The following RAB3IL1 variants were observed in gnomAD, a reference collection of about 807,000 sequenced individuals.
The protein encoded by RAB3IL1 is guanine nucleotide exchange factor for Rab-3A.
RAB3IL1 carries 37 observed loss-of-function variants against 49.2 expected under a neutral mutation model. The ratio of observed to expected loss-of-function variants is 0.75; its 90% CI spans 0.58 to 0.99. RAB3IL1 has a LOEUF of 0.99. Among genes scored for constraint, RAB3IL1 ranks in the 50% least tolerant of loss-of-function variants. RAB3IL1 has a pLI of 0.00. For missense variants in RAB3IL1, 484 were observed against 513.0 expected (o/e 0.94, Z 0.55); for synonymous variants, 193 against 213.9 (o/e 0.90, Z 0.85).
the RAB3IL1 span, among the ~76,000 whole-genome samples, chr11:61,940,326 A>G: frequency 6.6e-6 from 1 of 151,950 alleles, no homozygotes; most frequent in Non-Finnish European, 1.5e-5. Flanking sequence ...CTGTAAACCC[A>G]GCTACCCGGG....
At chr11:61,929,962 G>A in the RAB3IL1 span, among the ~76,000 whole-genome samples, 4 of 127,486 alleles carry the variant, frequency 3.1e-5, no homozygotes, top group African/African-American at 8.9e-5. Context: ...GTGCAGTCTC[G>A]GCTCGCTGCA....
the RAB3IL1 span, among the ~76,000 whole-genome samples, chr11:61,940,612 C>A: frequency 6.6e-6 from 1 of 151,908 alleles, no homozygotes; most frequent in Non-Finnish European, 1.5e-5. Context: ...GATGGTGAGA[C>A]CCTATCTCTA....
intron 8 of RAB3IL1, among the ~76,000 whole-genome samples, chr11:61,900,800 C>T (rs577930846): frequency 6.6e-6 from 1 of 152,198 alleles, no homozygotes. Flanking sequence ...CAGCAGGACA[C>T]CCAGGCCAGG....
chr11:61,941,821 T>C, the RAB3IL1 span, among the ~76,000 whole-genome samples: 2 of 152,112 alleles, frequency 1.3e-5, no homozygotes, highest in Admixed American at 1.3e-4. Context: ...AACCAAATAC[T>C]AGCAAATCCA....
the RAB3IL1 span, among the ~76,000 whole-genome samples, chr11:61,926,371 G>A: frequency 2.0e-5 from 3 of 152,204 alleles, no homozygotes; most frequent in African/African-American, 4.8e-5. Context: ...GGGATTATGT[G>A]TAGCGGGGGA....
At chr11:61,933,538 T>G in the RAB3IL1 span, among the ~76,000 whole-genome samples, 3 of 152,180 alleles carry the variant, frequency 2.0e-5, no homozygotes, top group Non-Finnish European at 4.4e-5. Flanking sequence ...ACGTAGTTTG[T>G]GATAATTTGT....
At chr11:61,938,083 AT>A in the RAB3IL1 span, 1 of 152,166 alleles carries the variant, frequency 6.6e-6, no homozygotes, top group Non-Finnish European at 1.5e-5. Context: ...AATGACCCAA[AT>A]TGTTGAAAGT....
chr11:61,904,720 T>G, intron 6 of RAB3IL1, 34 bp downstream of exon 6: 1 of 1,571,528 alleles, frequency 6.4e-7, no homozygotes. Context: ...GAGGGGTGTG[T>G]CCCCCAGCTG....
At chr11:61,905,240 A>G (rs903810043) in intron 5 of RAB3IL1, among the ~76,000 whole-genome samples, 2 of 152,300 alleles carry the variant, frequency 1.3e-5, no homozygotes, top group Admixed American at 1.3e-4. Context: ...CAGGTACACA[A>G]GCACACACAA....
chr11:61,932,052 C>T, the RAB3IL1 span, among the ~76,000 whole-genome samples: 1 of 151,848 alleles, frequency 6.6e-6, no homozygotes, highest in Non-Finnish European at 1.5e-5. Flanking sequence ...GAGTTTGAGA[C>T]CATCCTGGCT....
Position 61,906,359 on chromosome 11 carries a change from T to A in RAB3IL1, c.657+107A>T. The A allele has an allele frequency of 9.6e-7, 1 of 1,036,522 alleles. No homozygotes were observed. The allele number at this position is 1,036,522 out of a possible 1,614,324, so 64.2% of individuals were successfully genotyped here. A position where few individuals can be genotyped will look rare whatever the true frequency, so the allele number is the denominator to read the frequency against. On this transcript the variant is annotated intron_variant, in intron 5 of 9. Transcript: ENST00000394836. The surrounding 1 kb of genome is among the most constrained non-coding windows in gnomAD (Gnocchi z 4.6). ...CATCCCAGAGAGGCGCAGGACAGGC[T>A]CCAGGTCACACAGCATGGGGCAGGC...
upstream of RAB3IL1, among the ~76,000 whole-genome samples, chr11:61,925,187 A>G (rs914884077): frequency 3.3e-5 from 5 of 152,236 alleles, no homozygotes; most frequent in African/African-American, 9.6e-5. Flanking sequence ...GATTTGGCCA[A>G]TGGCTAACAA....
intron 7 of RAB3IL1, among the ~76,000 whole-genome samples, chr11:61,902,858 C>A (rs1010134680): frequency 1.3e-5 from 2 of 152,156 alleles, no homozygotes; most frequent in Non-Finnish European, 2.9e-5. Context: ...ATGCCTCTCC[C>A]TCTACTTCTG....
rs1160745923 is a variant in RAB3IL1, at chr11:61,917,533, C to A, written c.-166G>T. 4.5e-6 allele frequency: 5 copies of A among 1,113,126 alleles called. No homozygotes were observed. The highest frequency in any genetic ancestry group is 5.5e-6 in the Non-Finnish European group (5 of 913,566). 69.0% of individuals were successfully genotyped at this position (1,113,126 alleles called of 1,614,324 possible). ...CTCAGACGCCTGGGCTCGCGGCCCCCAGCCCAGCCCCGACCCTGCCCTGGG... is the reference window on the plus strand; with the variant it reads ...CTCAGACGCCTGGGCTCGCGGCCCCAAGCCCAGCCCCGACCCTGCCCTGGG... On this transcript the variant is annotated 5_prime_UTR_variant, in exon 1 of 10. Coordinates refer to ENST00000394836, the MANE Select transcript of RAB3IL1 (RefSeq NM_013401.4).
At chr11:61,909,013 G>A (rs535363794) in intron 1 of RAB3IL1, among the ~76,000 whole-genome samples, 43 of 152,284 alleles carry the variant, frequency 2.8e-4, no homozygotes, top group African/African-American at 1.0e-3. Flanking sequence ...GAGGTGGTGT[G>A]AGGCCTCATT....
intron 1 of RAB3IL1, among the ~76,000 whole-genome samples, chr11:61,909,904 C>A (rs1358724187): frequency 1.3e-5 from 2 of 152,144 alleles, no homozygotes; most frequent in Non-Finnish European, 2.9e-5. Flanking sequence ...GTCAAGAGTT[C>A]GAGACCAGCC....
chr11:61,922,891 C>T (rs1460567866), upstream of RAB3IL1, among the ~76,000 whole-genome samples: 35 of 152,234 alleles, frequency 2.3e-4, no homozygotes, highest in Admixed American at 2.3e-3. Context: ...TGTGCCCCCA[C>T]CTTCCTCTGC....
the RAB3IL1 span, among the ~76,000 whole-genome samples, chr11:61,925,601 C>T: frequency 6.6e-6 from 1 of 150,874 alleles, no homozygotes; most frequent in Non-Finnish European, 1.5e-5. Flanking sequence ...CACCACTGCA[C>T]TCTAGCCTAG....
intron 1 of RAB3IL1, among the ~76,000 whole-genome samples, chr11:61,916,135 C>A (rs1939674900): frequency 6.6e-6 from 1 of 151,876 alleles, no homozygotes; most frequent in Non-Finnish European, 1.5e-5. Flanking sequence ...CACCTGAGGT[C>A]AGGAGTTCGA....
Sources: allele counts gnomAD v4.1 joint callset (sites outside exome capture counted in the v4.1 genomes callset), GRCh38; gene constraint gnomAD v4.1.1; non-coding constraint Gnocchi (gnomAD v3.1); transcripts MANE v1.5; gene names NCBI Gene and HGNC (gene_info 2026-07-23, HGNC 2026-07-21).